Variants in BICD2 observed in about 807,000 individuals in gnomAD.
BICD2 encodes the protein protein bicaudal D homolog 2.
BICD2 carries 25 observed loss-of-function variants against 72.9 expected under a neutral mutation model. The ratio of observed to expected loss-of-function variants is 0.34; its 90% CI spans 0.25 to 0.48. BICD2 has a LOEUF of 0.48. Among genes scored for constraint, BICD2 ranks in the 20% least tolerant of loss-of-function variants. The pLI is 0.99. For synonymous variants in BICD2, 501 were observed against 516.1 expected (o/e 0.97, Z 0.40); for missense variants, 894 against 1,175.2 (o/e 0.76, Z 3.50).
chr9:92,714,486 G>A lies in BICD2; in HGVS notation c.*668C>T, dbSNP rs778079741. 2.0e-6 allele frequency: 2 copies of A among 985,504 alleles called. No homozygotes were observed. The allele number at this position is 985,504 out of a possible 1,614,324, so 61.0% of individuals were successfully genotyped here. A position where few individuals can be genotyped will look rare whatever the true frequency, so the allele number is the denominator to read the frequency against. On this transcript the variant is annotated 3_prime_UTR_variant, in exon 7 of 7. Coordinates refer to ENST00000356884, the MANE Select transcript of BICD2 (RefSeq NM_001003800.2). ...CCTGATCTCAGAAATGAGAAACCGA[G>A]CTCTGGATTCCTGGGTTATGGTCAG...
rs1374937690 is a variant in BICD2 at position 92,713,156 on chromosome 9, C to T, written c.*1998G>A. ...AAAAAGAACATGTGTAACAAGGAGC[C>T]CCCGTGGTGGGCGTTTCCAGTGGGC... is the stretch of plus-strand genomic sequence containing the variant. On this transcript the variant is annotated 3_prime_UTR_variant, in exon 7 of 7. Coordinates refer to ENST00000356884, the MANE Select transcript of BICD2 (RefSeq NM_001003800.2). The T allele has an allele frequency of 4.6e-6, 2 of 435,504 alleles. No homozygotes were observed. Among genetic ancestry groups the T allele is most frequent in the African/African-American group, 2.0e-5 (1 of 50,236 alleles). 27.0% of individuals were successfully genotyped at this position (435,504 alleles called of 1,614,324 possible).
intron 1 of BICD2, among the ~76,000 whole-genome samples, chr9:92,752,268 T>C (rs1005147033): frequency 1.3e-5 from 2 of 151,798 alleles, no homozygotes; most frequent in Non-Finnish European, 2.9e-5. Context: ...TAGCTGATTC[T>C]AGGACTGAGG....
intron 1 of BICD2, among the ~76,000 whole-genome samples, chr9:92,750,635 G>A (rs1854127237): frequency 6.6e-6 from 1 of 152,002 alleles, no homozygotes; most frequent in Non-Finnish European, 1.5e-5. Context: ...GGTTGACGGG[G>A]GTGGATTTAA....
rs760412812 is a variant in BICD2, at chr9:92,719,594, C to T, written c.1063-12G>A. 1 of 1,584,266 alleles carries T rather than the reference C, an allele frequency of 6.3e-7. No homozygotes were observed. Among genetic ancestry groups the T allele is most frequent in the Non-Finnish European group, 8.6e-7 (1 of 1,168,100 alleles). On this transcript the variant is annotated splice_polypyrimidine_tract_variant and intron_variant, in intron 4 of 6. Coordinates refer to ENST00000356884, the MANE Select transcript of BICD2 (RefSeq NM_001003800.2). ...TTTTCCCGCTCCATCTGCAAAGGCA[C>T]AGGCAGCAGGACACCATGTCAGTTG... is the stretch of plus-strand genomic sequence containing the variant.
intron 1 of BICD2, among the ~76,000 whole-genome samples, chr9:92,730,576 C>T (rs1853659931): frequency 6.6e-6 from 1 of 152,192 alleles, no homozygotes; most frequent in Non-Finnish European, 1.5e-5. Flanking sequence ...GATCTTACAG[C>T]ACTGTGAGGA....
chr9:92,722,575 A>G (rs1256760843), intron 3 of BICD2, 81 bp downstream of exon 3: 1 of 1,573,526 alleles, frequency 6.4e-7, no homozygotes. Context: ...CCCCTTCCCA[A>G]CAGGGAGAGG....
intron 1 of BICD2, among the ~76,000 whole-genome samples, chr9:92,759,614 T>C (rs751564058): frequency 2.6e-5 from 4 of 152,128 alleles, no homozygotes; most frequent in African/African-American, 4.8e-5. Context: ...CATTGGGCCC[T>C]CTCCTGCTCC....
intron 1 of BICD2, among the ~76,000 whole-genome samples, chr9:92,731,348 C>A (rs1853675174): frequency 6.6e-6 from 1 of 152,176 alleles, no homozygotes; most frequent in African/African-American, 2.4e-5. Context: ...TTTTCCTCTG[C>A]TTAAGCTCCC....
intron 2 of BICD2, among the ~76,000 whole-genome samples, chr9:92,725,614 A>T (rs1041244050): frequency 1.3e-5 from 2 of 152,236 alleles, no homozygotes; most frequent in South Asian, 2.1e-4. Flanking sequence ...GCCCAAATGA[A>T]GGAGGTGGGA....
intron 2 of BICD2, among the ~76,000 whole-genome samples, chr9:92,728,386 T>A (rs1853608675): frequency 6.6e-6 from 1 of 152,218 alleles, no homozygotes; most frequent in Non-Finnish European, 1.5e-5. Context: ...TTTCCAGATG[T>A]AGAGCCTGTG....
Position 92,714,174 on chromosome 9 carries a change from C to G in BICD2, c.*980G>C. The G allele has an allele frequency of 2.0e-6, 2 of 985,544 alleles. No individual in the cohort carries two copies. Among genetic ancestry groups the G allele is most frequent in the Non-Finnish European group, 2.4e-6 (2 of 830,018 alleles). The allele number at this position is 985,544 out of a possible 1,614,324, so 61.0% of individuals were successfully genotyped here. On this transcript the variant is annotated 3_prime_UTR_variant, in exon 7 of 7. Coordinates refer to ENST00000356884, the MANE Select transcript of BICD2 (RefSeq NM_001003800.2). ...GGCCCTGGCCCTATGCAAAGCTTTC[C>G]CAGCACCGGGCTGGGCTCTGGATAC...
Position 92,720,865 on chromosome 9 carries a change from A to C in BICD2, c.607-110T>G. 1.7e-6 allele frequency: 2 copies of C among 1,173,622 alleles called. No individual in the cohort carries two copies. The highest frequency in any genetic ancestry group is 2.4e-6 in the Non-Finnish European group (2 of 850,032). The allele number at this position is 1,173,622 out of a possible 1,614,324, so 72.7% of individuals were successfully genotyped here. On this transcript the variant is annotated intron_variant, in intron 3 of 6. Coordinates refer to ENST00000356884, the MANE Select transcript of BICD2 (RefSeq NM_001003800.2). This position sits in a 1 kb window ranked among gnomAD's most constrained non-coding sequence, Gnocchi z 5.4. ...ACCAACTCCGGCCACTATGAAGCAA[A>C]AGATGAAGCGCCAGGTGAGGTGCCA...
In BICD2 at chr9:92,713,720, C is replaced by T. The variant is rs916769289; in HGVS notation, c.*1434G>A. 5 of 1,368,252 alleles carry T rather than the reference C, an allele frequency of 3.7e-6. No homozygotes were observed. In the African/African-American group the frequency reaches 5.8e-5, roughly 16 times the overall value. The allele number at this position is 1,368,252 out of a possible 1,614,324, so 84.8% of individuals were successfully genotyped here. A position where few individuals can be genotyped will look rare whatever the true frequency, so the allele number is the denominator to read the frequency against. On this transcript the variant is annotated 3_prime_UTR_variant, in exon 7 of 7. Coordinates refer to ENST00000356884, the MANE Select transcript of BICD2 (RefSeq NM_001003800.2). ...GGGCATGCCAGCAGCCATCCCACTG[C>T]GAGTCTTGCTGGGGCAGGGGGATCT...
intron 1 of BICD2, among the ~76,000 whole-genome samples, chr9:92,733,668 T>C (rs561576996): frequency 6.6e-6 from 1 of 151,398 alleles, no homozygotes; most frequent in South Asian, 2.1e-4. Flanking sequence ...ACTAAAACTA[T>C]AAAACTTTCA....
chr9:92,761,866 A>C (rs1404814466), intron 1 of BICD2, among the ~76,000 whole-genome samples: 5 of 152,184 alleles, frequency 3.3e-5, no homozygotes, highest in Non-Finnish European at 7.3e-5. Flanking sequence ...AAAATCAACC[A>C]GGGGGCACCC....
chr9:92,729,739 G>A (rs768621395), intron 1 of BICD2, among the ~76,000 whole-genome samples: 2 of 152,244 alleles, frequency 1.3e-5, no homozygotes, highest in Non-Finnish European at 2.9e-5. Context: ...CCCGAGGATG[G>A]CAGTGATGGT....
intron 1 of BICD2, among the ~76,000 whole-genome samples, chr9:92,751,970 A>G (rs1186530569): frequency 6.6e-6 from 1 of 151,840 alleles, no homozygotes; most frequent in Non-Finnish European, 1.5e-5. Context: ...ACGAACAGCT[A>G]ATTTTTGTAT....
At position 92,711,400 on chromosome 9, in the gene BICD2, C is replaced by T. The variant is rs1284263327; in HGVS notation, c.*3754G>A. 6.6e-6 allele frequency: 1 copy of T among 152,542 alleles called. No individual in the cohort carries two copies. Among genetic ancestry groups the T allele is most frequent in the Non-Finnish European group, 1.5e-5 (1 of 68,028 alleles). The allele number at this position is 152,542 out of a possible 1,614,324, so 9.4% of individuals were successfully genotyped here. A position where few individuals can be genotyped will look rare whatever the true frequency, so the allele number is the denominator to read the frequency against. Reference sequence around the variant, plus strand: ...TTTTATTATTCTTTATTGGTCCTACCAATGTGACTCTTTACCCAGGCCCAC... The same window carrying T: ...TTTTATTATTCTTTATTGGTCCTACTAATGTGACTCTTTACCCAGGCCCAC... On this transcript the variant is annotated 3_prime_UTR_variant, in exon 7 of 7. Coordinates refer to ENST00000356884, the MANE Select transcript of BICD2 (RefSeq NM_001003800.2).
Position 92,717,945 on chromosome 9 carries a change from C to A in BICD2, c.2110G>T (p.Ala704Ser). 6.2e-7 allele frequency: 1 copy of A among 1,612,848 alleles called. No individual in the cohort carries two copies. The change falls in exon 6 of 7, where the codon GCC (alanine) becomes TCC (serine). Residue 704 changes from alanine to serine, a missense_variant. Coordinates refer to ENST00000356884, the MANE Select transcript of BICD2 (RefSeq NM_001003800.2). ...TTCAGGTTGGCAAGGGCCACCTCGG[C>A]CGTCTGGGGGACAGATGTGTAGGGT... The part of the protein sequence containing the change: ...RTVLKANKQT[A>S]EVALANLKSK...
Sources: gnomAD v4.1 joint callset for allele counts (sites outside exome capture counted in the v4.1 genomes callset) on GRCh38, gnomAD v4.1.1 for gene constraint, Gnocchi (gnomAD v3.1) non-coding constraint, MANE v1.5 for transcripts, NCBI Gene and HGNC (gene_info 2026-07-23, HGNC 2026-07-21) for gene names.